Variants in ADGRA1 observed in about 807,000 individuals in gnomAD.
ADGRA1 encodes G-protein coupled receptor 123.
Under a neutral mutation model 21.3 loss-of-function variants are expected in ADGRA1, and 12 were observed. The ratio of observed to expected loss-of-function variants is 0.56; its 90% CI spans 0.36 to 0.91. The LOEUF is 0.91. Ranked by LOEUF, ADGRA1 falls within the 40% of genes least tolerant of loss-of-function variation. The probability of loss-of-function intolerance (pLI) is 0.01; values close to 1 mark genes in which losing one functional copy is unlikely to be tolerated. For missense variants in ADGRA1, 790 were observed against 805.6 expected, an observed-to-expected ratio of 0.98 and a Z score of 0.23; for synonymous variants, 385 against 368.8, an observed-to-expected ratio of 1.04 and a Z score of -0.50.
intron 5 of ADGRA1, among the ~76,000 whole-genome samples, chr10:133,109,992 A>T (rs1209758909): frequency 2.0e-5 from 3 of 152,162 alleles, no homozygotes; most frequent in South Asian, 4.1e-4. Flanking sequence ...GTCTCCACAG[A>T]AAGATACACT....
At chr10:133,096,077 C>T (rs1369728959) in intron 2 of ADGRA1, among the ~76,000 whole-genome samples, 2 of 152,228 alleles carry the variant, frequency 1.3e-5, no homozygotes, top group African/African-American at 4.8e-5. Flanking sequence ...CATAACTAAA[C>T]CCTACACAGT....
At position 133,127,413 on chromosome 10, in the gene ADGRA1, GGAAGCCCAGGAC is replaced by G. The variant is rs1201550792; in HGVS notation, c.500+88_500+99del. 2.8e-6 allele frequency: 3 copies of G among 1,078,048 alleles called. No homozygotes were observed. The East Asian group carries it at 8.3e-5, about 30-fold the overall frequency. 66.8% of individuals were successfully genotyped at this position (1,078,048 alleles called of 1,614,324 possible). On this transcript the variant is annotated intron_variant, in intron 6 of 6. Transcript: ENST00000392607. ...GGTCCCTCCCAGGCACCTGTGGTGG[GGAAGCCCAGGAC>G]GAAGCAGCAAGGCCTGGGCCTGGAC...
chr10:133,111,688 T>C (rs151163816), intron 5 of ADGRA1, among the ~76,000 whole-genome samples: 1 of 12,442 alleles, frequency 8.0e-5, no homozygotes, highest in Non-Finnish European at 1.2e-4. Context: ...CCGGGAACCA[T>C]CCCTCCTAAT....
intron 2 of ADGRA1, among the ~76,000 whole-genome samples, chr10:133,091,049 T>C (rs1012942151): frequency 7.9e-5 from 12 of 152,220 alleles, no homozygotes; most frequent in Non-Finnish European, 1.5e-5. Context: ...CAAAAGCAAA[T>C]GTGAACTTGC....
At chr10:133,094,265 A>T (rs886891426) in intron 2 of ADGRA1, among the ~76,000 whole-genome samples, 16 of 152,242 alleles carry the variant, frequency 1.1e-4, no homozygotes, top group Admixed American at 9.2e-4. Context: ...TTGCATGAAA[A>T]GCAGCTCTGA....
intron 5 of ADGRA1, among the ~76,000 whole-genome samples, chr10:133,114,527 A>C (rs1852119821): frequency 2.0e-5 from 3 of 152,106 alleles, no homozygotes; most frequent in Admixed American, 1.3e-4. Flanking sequence ...CTGTCTCGCC[A>C]GCCTACCTTC....
chr10:133,106,340 C>A (rs1345633056), intron 5 of ADGRA1, among the ~76,000 whole-genome samples: 2 of 152,232 alleles, frequency 1.3e-5, no homozygotes, highest in Non-Finnish European at 2.9e-5. Context: ...CCGGTGAGGC[C>A]CCTGCTGACC....
At chr10:133,116,923 G>A (rs1225208177) in intron 5 of ADGRA1, among the ~76,000 whole-genome samples, 1 of 152,146 alleles carries the variant, frequency 6.6e-6, no homozygotes, top group East Asian at 1.9e-4. Context: ...CCCCAGTTCG[G>A]GACAGAGGGC....
intron 2 of ADGRA1, among the ~76,000 whole-genome samples, chr10:133,094,590 G>A (rs376319176): frequency 6.6e-6 from 1 of 152,170 alleles, no homozygotes; most frequent in Non-Finnish European, 1.5e-5. Context: ...AGATGAGAAC[G>A]AAGTCCTTGT....
intron 4 of ADGRA1, among the ~76,000 whole-genome samples, chr10:133,100,222 C>T (rs184218120): frequency 9.2e-5 from 14 of 152,356 alleles, no homozygotes; most frequent in Admixed American, 4.6e-4. Context: ...GTCGCTGGCA[C>T]GCACCTGAAG....
intron 5 of ADGRA1, among the ~76,000 whole-genome samples, chr10:133,107,244 T>A (rs1006976826): frequency 6.6e-6 from 1 of 152,254 alleles, no homozygotes; most frequent in Non-Finnish European, 1.5e-5. Context: ...TTTTGTTAAT[T>A]CTTTAGTATT....
chr10:133,089,308 G>GC (rs1851559220), intron 2 of ADGRA1, among the ~76,000 whole-genome samples: 1 of 152,168 alleles, frequency 6.6e-6, no homozygotes, highest in African/African-American at 2.4e-5. Flanking sequence ...CACCCTGCCG[G>GC]CCCCTTCCCA....
At chr10:133,121,082 CCGTCTTATACGGG>C (rs1676428822) in intron 5 of ADGRA1, among the ~76,000 whole-genome samples, 1 of 152,214 alleles carries the variant, frequency 6.6e-6, no homozygotes, top group African/African-American at 2.4e-5. Context: ...ACTAAGTTCA[CCGTCTTATACGGG>C]CGTGGTTTGT....
At chr10:133,109,996 A>C (rs1455362736) in intron 5 of ADGRA1, among the ~76,000 whole-genome samples, 1 of 152,116 alleles carries the variant, frequency 6.6e-6, no homozygotes, top group African/African-American at 2.4e-5. Flanking sequence ...CCACAGAAAG[A>C]TACACTCAGG....
At chr10:133,096,193 G>T (rs183676665) in intron 2 of ADGRA1, among the ~76,000 whole-genome samples, 2 of 152,290 alleles carry the variant, frequency 1.3e-5, no homozygotes, top group Admixed American at 1.3e-4. Flanking sequence ...GCCTGTGCAC[G>T]CATGTTTCTG....
intron 5 of ADGRA1, among the ~76,000 whole-genome samples, chr10:133,116,164 G>A (rs1177669569): frequency 3.9e-5 from 6 of 152,090 alleles, no homozygotes; most frequent in South Asian, 2.1e-4. Context: ...ACCCTGGGCC[G>A]CTGCCCAGTG....
Position 133,111,218 on chromosome 10 carries a change from CAGGCACCT to C in ADGRA1, c.401+8377_401+8384del, listed in dbSNP as rs1564848959. On this transcript the variant is annotated intron_variant, in intron 5 of 6. Transcript: ENST00000392607. ...ATCCCTCCAGACAACCTGCCCACCACAGGCACCTCCCTCCTAATCCCACCAGACAACCT... is the reference window on the plus strand; with the variant it reads ...ATCCCTCCAGACAACCTGCCCACCACCCCTCCTAATCCCACCAGACAACCT... Among the ~76,000 whole-genome samples the C allele has an allele frequency of 4.3e-3, 221 of 51,896 alleles. 44 individuals carry two copies. Among genetic ancestry groups the C allele is most frequent in the African/African-American group, 9.2e-3 (110 of 11,984 alleles). The allele number at this position is 51,896 out of a possible 152,430, so 34.0% of individuals were successfully genotyped here. A position where few individuals can be genotyped will look rare whatever the true frequency, so the allele number is the denominator to read the frequency against.
In ADGRA1 at chr10:133,128,528, AC is replaced by A; in HGVS notation, c.704del (p.Pro235HisfsTer62). 6.5e-7 allele frequency: 1 copy of A among 1,547,698 alleles called. No homozygotes were observed. Among genetic ancestry groups the A allele is most frequent in the African/African-American group, 1.4e-5 (1 of 73,062 alleles). On this transcript the variant is annotated frameshift_variant, in exon 7 of 7. Coordinates refer to ENST00000392607, the MANE Select transcript of ADGRA1 (RefSeq NM_001083909.3). LOFTEE classifies it low-confidence loss of function (END_TRUNC). The stretch of plus-strand genomic sequence containing the variant: ...GGGCGGCCGTGGGATCCGGCCAGGC[AC>A]CCCACCCGCACACGATGCCCCCGGC... ...PEGGRGIRPG[T>X]PPAHDAPGAS...
At chr10:133,096,428 G>A (rs1352120450) in intron 2 of ADGRA1, among the ~76,000 whole-genome samples, 1 of 152,186 alleles carries the variant, frequency 6.6e-6, no homozygotes, top group Non-Finnish European at 1.5e-5. Flanking sequence ...TGGAGTTTGC[G>A]GCCTCCGGTC....
Sources: gnomAD v4.1 joint callset for allele counts (sites outside exome capture counted in the v4.1 genomes callset) on GRCh38, gnomAD v4.1.1 for gene constraint, MANE v1.5 for transcripts, NCBI Gene and HGNC (gene_info 2026-07-23, HGNC 2026-07-21) for gene names.